The following LDLRAD3 variants were observed in gnomAD, a reference collection of about 807,000 sequenced individuals.
LDLRAD3 encodes low-density lipoprotein receptor class A domain-containing protein 3.
Under a neutral mutation model 29.4 loss-of-function variants are expected in LDLRAD3, and 20 were observed. The ratio of observed to expected loss-of-function variants is 0.68; its 90% CI spans 0.48 to 0.99. The LOEUF (loss-of-function observed/expected upper bound fraction) is 0.99. Among genes scored for constraint, LDLRAD3 ranks in the 50% least tolerant of loss-of-function variants. The probability of loss-of-function intolerance (pLI) is 0.00; values close to 1 mark genes in which losing one functional copy is unlikely to be tolerated. For missense variants in LDLRAD3, 420 were observed against 454.3 expected (o/e 0.92, Z 0.69); for synonymous variants, 157 against 192.7 (o/e 0.81, Z 1.53).
At chr11:35,993,549 G>C (rs1386452130) in intron 1 of LDLRAD3, among the ~76,000 whole-genome samples, 1 of 151,458 alleles carries the variant, frequency 6.6e-6, no homozygotes, top group Non-Finnish European at 1.5e-5. Flanking sequence ...CATAGAAAAT[G>C]AAGAAAAGAC....
At chr11:35,991,002 G>A (rs954276129) in intron 1 of LDLRAD3, among the ~76,000 whole-genome samples, 4 of 152,164 alleles carry the variant, frequency 2.6e-5, no homozygotes, top group Admixed American at 2.6e-4. Context: ...AGTTTCCATT[G>A]TTCTGCTGTT....
At chr11:35,948,439 T>C (rs1432567110) in intron 1 of LDLRAD3, among the ~76,000 whole-genome samples, 1 of 51,644 alleles carries the variant, frequency 1.9e-5, no homozygotes, top group Non-Finnish European at 3.5e-5. Flanking sequence ...TGGCTGATCG[T>C]GTGTGTGTGT....
In LDLRAD3 at chr11:36,023,917, G is replaced by A. The variant is rs563548968; in HGVS notation, c.47-12186G>A. The stretch of plus-strand genomic sequence containing the variant: ...GAGATCTAGGAATGATTTAAGGAGG[G>A]CTAATTATTTCTTAGGAATAATTGA... On this transcript the variant is annotated intron_variant, in intron 1 of 5. Transcript: ENST00000315571. Among the ~76,000 whole-genome samples the A allele has an allele frequency of 2.8e-4, 43 of 152,228 alleles. No individual in the cohort carries two copies. The South Asian group carries it at 8.7e-3, about 31-fold the overall frequency.
intron 4 of LDLRAD3, among the ~76,000 whole-genome samples, chr11:36,192,978 A>G (rs1039644715): frequency 7.2e-5 from 11 of 152,076 alleles, no homozygotes; most frequent in Non-Finnish European, 1.5e-4. Flanking sequence ...CTGATCCTCC[A>G]TTTTCTCTTC....
At chr11:36,163,452 C>G (rs1854471983) in intron 4 of LDLRAD3, 1 of 152,216 alleles carries the variant, frequency 6.6e-6, no homozygotes, top group Non-Finnish European at 1.5e-5. Flanking sequence ...AGCCTTACTT[C>G]CCTGCATATG....
At chr11:35,975,343 T>G (rs767774169) in intron 1 of LDLRAD3, among the ~76,000 whole-genome samples, 11 of 152,328 alleles carry the variant, frequency 7.2e-5, no homozygotes, top group Non-Finnish European at 1.3e-4. Context: ...CTAGTAGTAA[T>G]AGCAAACAGC....
At chr11:35,975,268 T>C (rs2133151141) in intron 1 of LDLRAD3, among the ~76,000 whole-genome samples, 1 of 152,316 alleles carries the variant, frequency 6.6e-6, no homozygotes, top group East Asian at 1.9e-4. Context: ...TAAATACTAC[T>C]TTTCTGGCCA....
intron 4 of LDLRAD3, among the ~76,000 whole-genome samples, chr11:36,122,846 C>G (rs1485041658): frequency 3.3e-5 from 5 of 151,986 alleles, no homozygotes; most frequent in African/African-American, 1.2e-4. Flanking sequence ...TAACGAGATC[C>G]TATCTCAATT....
At chr11:36,028,911 GAA>G (rs1852200457) in intron 1 of LDLRAD3, among the ~76,000 whole-genome samples, 1 of 152,152 alleles carries the variant, frequency 6.6e-6, no homozygotes, top group Non-Finnish European at 1.5e-5. Flanking sequence ...CTGCAAAATG[GAA>G]ATGGTGCCTG....
chr11:35,979,702 A>C (rs1851516912), intron 1 of LDLRAD3, among the ~76,000 whole-genome samples: 2 of 152,236 alleles, frequency 1.3e-5, no homozygotes, highest in African/African-American at 4.8e-5. Flanking sequence ...GAGTTAGGTT[A>C]GTTCCTAGGT....
chr11:36,017,028 C>T (rs1240522016), intron 1 of LDLRAD3, among the ~76,000 whole-genome samples: 1 of 152,230 alleles, frequency 6.6e-6, no homozygotes, highest in Non-Finnish European at 1.5e-5. Context: ...ATGATACCAA[C>T]CATTTAGTCC....
intron 2 of LDLRAD3, among the ~76,000 whole-genome samples, chr11:36,069,391 G>A (rs1852855478): frequency 6.6e-6 from 1 of 152,208 alleles, no homozygotes; most frequent in Admixed American, 6.5e-5. Flanking sequence ...TTTACCAAAT[G>A]AGCTAGAGGA....
intron 4 of LDLRAD3, among the ~76,000 whole-genome samples, chr11:36,144,884 C>G: frequency 2.8e-5 from 3 of 105,408 alleles, no homozygotes; most frequent in Admixed American, 8.7e-5. Flanking sequence ...GGCCAGCCGC[C>G]CCGTCCGGGA....
Position 35,976,148 on chromosome 11 carries a change from G to A in LDLRAD3, c.46+32004G>A, listed in dbSNP as rs1005119482. On this transcript the variant is annotated intron_variant, in intron 1 of 5. Transcript: ENST00000315571. ...CAGAAATGTGATGATCTCAGAGTTG[G>A]GGACCACATGGATGGGGTGGGGTGA... Among the ~76,000 whole-genome samples, 4 of 152,090 alleles carry A rather than the reference G, an allele frequency of 2.6e-5. No individual in the cohort carries two copies. The South Asian group carries it at 8.3e-4, about 32-fold the overall frequency.
chr11:36,112,095 TAGAG>T (rs920716866), intron 4 of LDLRAD3, among the ~76,000 whole-genome samples: 17 of 149,794 alleles, frequency 1.1e-4, no homozygotes, highest in South Asian at 4.2e-4. Context: ...ACAGCAGAAA[TAGAG>T]AGAGAATAAG....
In LDLRAD3 at chr11:36,229,479, T is replaced by TTG; in HGVS notation, c.*83_*84insGT. On this transcript the variant is annotated 3_prime_UTR_variant, in exon 6 of 6. Coordinates refer to ENST00000315571, the MANE Select transcript of LDLRAD3 (RefSeq NM_174902.4). The stretch of plus-strand genomic sequence containing the variant: ...AACAATTTGTGCTCATGGGAAGCTC[T>TTG]TTAAGCACCTGTAAGGGTGTCTCAA... 1.0e-6 allele frequency: 1 copy of TTG among 986,564 alleles called. No homozygotes were observed. Among genetic ancestry groups the TTG allele is most frequent in the Non-Finnish European group, 1.6e-6 (1 of 640,950 alleles). The allele number at this position is 986,564 out of a possible 1,614,324, so 61.1% of individuals were successfully genotyped here.
rs36041385 is a variant in LDLRAD3, at chr11:35,994,336, CAAAAAAAAAAAAAAA to C, written c.47-41752_47-41738del. Among the ~76,000 whole-genome samples the C allele has an allele frequency of 1.7e-3, 81 of 49,036 alleles. No homozygotes were observed. The South Asian group carries it at 0.022, about 13-fold the overall frequency. The allele number at this position is 49,036 out of a possible 152,430, so 32.2% of individuals were successfully genotyped here. A position where few individuals can be genotyped will look rare whatever the true frequency, so the allele number is the denominator to read the frequency against. On this transcript the variant is annotated intron_variant, in intron 1 of 5. Transcript: ENST00000315571. Reference sequence around the variant, plus strand: ...TGGGGGACAGAGAGAGACTTTGTCTCAAAAAAAAAAAAAAAAAAAAAAAAAAAAAGTGATGTTTAC... The same window carrying C: ...TGGGGGACAGAGAGAGACTTTGTCTCAAAAAAAAAAAAAAGTGATGTTTAC...
chr11:36,095,816 C>T (rs1441297144), intron 3 of LDLRAD3, among the ~76,000 whole-genome samples: 2 of 152,154 alleles, frequency 1.3e-5, no homozygotes, highest in Admixed American at 6.5e-5. Context: ...CTTTCCCAGG[C>T]TGTCTGAGTG....
At chr11:36,164,976 T>C (rs574632702) in intron 4 of LDLRAD3, among the ~76,000 whole-genome samples, 15 of 152,356 alleles carry the variant, frequency 9.8e-5, no homozygotes, top group Non-Finnish European at 1.3e-4. Flanking sequence ...TAAAAGTACA[T>C]ATACTCATTA....
Sources: gnomAD v4.1 joint callset for allele counts (sites outside exome capture counted in the v4.1 genomes callset) on GRCh38, gnomAD v4.1.1 for gene constraint, MANE v1.5 for transcripts, NCBI Gene and HGNC (gene_info 2026-07-23, HGNC 2026-07-21) for gene names.